APBA1: variants seen among roughly 807,000 people sequenced by gnomAD.
APBA1 encodes amyloid-beta A4 precursor protein-binding family A member 1.
A neutral mutation model predicts 86.6 loss-of-function variants in APBA1; 55 were observed. The ratio of observed to expected loss-of-function variants is 0.64; its 90% CI spans 0.51 to 0.80. The LOEUF (loss-of-function observed/expected upper bound fraction) is 0.80. Ranked by LOEUF, APBA1 falls within the 30% of genes least tolerant of loss-of-function variation. The probability of loss-of-function intolerance (pLI) is 0.00; values close to 1 mark genes in which losing one functional copy is unlikely to be tolerated. For missense variants in APBA1, 1,090 were observed against 1,183.0 expected (o/e 0.92, Z 1.15); for synonymous variants, 511 against 493.9 (o/e 1.03, Z -0.46).
chr9:69,431,025 C>T lies in APBA1; in HGVS notation c.*302G>A. 3.3e-6 allele frequency: 1 copy of T among 299,536 alleles called. No individual in the cohort carries two copies. Among genetic ancestry groups the T allele is most frequent in the Non-Finnish European group, 6.1e-6 (1 of 163,304 alleles). The allele number at this position is 299,536 out of a possible 1,614,324, so 18.6% of individuals were successfully genotyped here. A position where few individuals can be genotyped will look rare whatever the true frequency, so the allele number is the denominator to read the frequency against. On this transcript the variant is annotated 3_prime_UTR_variant, in exon 13 of 13. Coordinates refer to ENST00000265381, the MANE Select transcript of APBA1 (RefSeq NM_001163.4). Reference sequence around the variant, plus strand: ...GGGAGGATTCTCCCTCAAGCAGTGACAGCCCACCCCCTGGACACACCCAGA... The same window carrying T: ...GGGAGGATTCTCCCTCAAGCAGTGATAGCCCACCCCCTGGACACACCCAGA...
chr9:69,530,420 C>T (rs1028778953), intron 1 of APBA1, among the ~76,000 whole-genome samples: 1 of 151,358 alleles, frequency 6.6e-6, no homozygotes, highest in Admixed American at 6.6e-5. Context: ...TTTGTAGCAA[C>T]ATGGATAGAG....
chr9:69,458,930 C>G (rs913050363), intron 5 of APBA1, among the ~76,000 whole-genome samples: 17 of 152,066 alleles, frequency 1.1e-4, no homozygotes, highest in Admixed American at 9.2e-4. Flanking sequence ...CCTCAGCCTC[C>G]CGAGTAGCTG....
intron 1 of APBA1, among the ~76,000 whole-genome samples, chr9:69,539,756 C>T (rs1836573963): frequency 6.6e-6 from 1 of 152,184 alleles, no homozygotes; most frequent in African/African-American, 2.4e-5. Context: ...TTTCCCTCTG[C>T]CTCTACTGAT....
chr9:69,651,073 A>G (rs951463722), intron 1 of APBA1, among the ~76,000 whole-genome samples: 7 of 152,248 alleles, frequency 4.6e-5, no homozygotes, highest in African/African-American at 1.4e-4. Context: ...ACTGAATACC[A>G]TATAGCAATG....
At chr9:69,634,116 A>T (rs113841244) in intron 1 of APBA1, among the ~76,000 whole-genome samples, 7 of 152,234 alleles carry the variant, frequency 4.6e-5, no homozygotes, top group African/African-American at 1.7e-4. Flanking sequence ...ACTTCATATC[A>T]GTGAAAGAGG....
chr9:69,653,605 C>A (rs1233398772), intron 1 of APBA1, among the ~76,000 whole-genome samples: 1 of 152,188 alleles, frequency 6.6e-6, no homozygotes, highest in East Asian at 1.9e-4. Context: ...TATCAATAAT[C>A]TTTTCTGATC....
At chr9:69,543,511 G>C in intron 1 of APBA1, among the ~76,000 whole-genome samples, 1 of 152,194 alleles carries the variant, frequency 6.6e-6, no homozygotes, top group Non-Finnish European at 1.5e-5. Flanking sequence ...CCTCAGTTGT[G>C]CTGACATACC....
intron 2 of APBA1, among the ~76,000 whole-genome samples, chr9:69,512,072 A>G (rs189043201): frequency 1.5e-4 from 23 of 150,280 alleles, no homozygotes; most frequent in Non-Finnish European, 2.7e-4. Context: ...TTAAAGTATA[A>G]TAAATAAATA....
chr9:69,495,563 C>A (rs1052003487), intron 2 of APBA1, among the ~76,000 whole-genome samples: 2 of 152,084 alleles, frequency 1.3e-5, no homozygotes, highest in African/African-American at 4.8e-5. Flanking sequence ...CTCACATTAA[C>A]CCCTCGCTGC....
At chr9:69,646,023 A>G (rs1426159420) in intron 1 of APBA1, among the ~76,000 whole-genome samples, 2 of 152,248 alleles carry the variant, frequency 1.3e-5, no homozygotes, top group Non-Finnish European at 2.9e-5. Context: ...AGACATACTC[A>G]CCAATCTTAA....
chr9:69,463,305 A>G (rs1366623671), intron 5 of APBA1: 2 of 152,134 alleles, frequency 1.3e-5, no homozygotes, highest in Admixed American at 1.3e-4. Context: ...TAAAGGGCCT[A>G]TCACAGGAGT....
chr9:69,433,239 T>C (rs1834636223), intron 11 of APBA1, among the ~76,000 whole-genome samples: 2 of 152,208 alleles, frequency 1.3e-5, no homozygotes, highest in South Asian at 4.1e-4. Context: ...ACAGTGAGGC[T>C]GGATTTTGTG....
chr9:69,549,548 T>C (rs1588356626), intron 1 of APBA1, among the ~76,000 whole-genome samples: 1 of 152,266 alleles, frequency 6.6e-6, no homozygotes, highest in East Asian at 1.9e-4. Context: ...GCCCATGAAT[T>C]TTAACTCTCA....
At chr9:69,526,689 C>A (rs1836348187) in intron 1 of APBA1, among the ~76,000 whole-genome samples, 1 of 151,940 alleles carries the variant, frequency 6.6e-6, no homozygotes, top group African/African-American at 2.4e-5. Context: ...CAATTCGACC[C>A]AGCAATCCCA....
At chr9:69,634,454 G>T (rs1429308773) in intron 1 of APBA1, among the ~76,000 whole-genome samples, 1 of 152,116 alleles carries the variant, frequency 6.6e-6, no homozygotes, top group Non-Finnish European at 1.5e-5. Flanking sequence ...TTGAAGGAAT[G>T]AAACATGCCT....
At chr9:69,638,200 T>G (rs1228663321) in intron 1 of APBA1, among the ~76,000 whole-genome samples, 1 of 152,184 alleles carries the variant, frequency 6.6e-6, no homozygotes, top group Non-Finnish European at 1.5e-5. Flanking sequence ...GTGTCTAGCT[T>G]TATGAATGAA....
At chr9:69,441,957 A>T (rs1588285457) in intron 10 of APBA1, among the ~76,000 whole-genome samples, 1 of 152,272 alleles carries the variant, frequency 6.6e-6, no homozygotes, top group African/African-American at 2.4e-5. Context: ...CCCTGATCAG[A>T]CTCACAGCAG....
intron 2 of APBA1, among the ~76,000 whole-genome samples, chr9:69,501,329 G>GT (rs767905332): frequency 1.3e-5 from 2 of 152,082 alleles, no homozygotes; most frequent in Non-Finnish European, 2.9e-5. Context: ...TGTAATGGAA[G>GT]TATTTTTCAT....
At chr9:69,439,617 G>A (rs1834771708) in intron 11 of APBA1, among the ~76,000 whole-genome samples, 2 of 152,092 alleles carry the variant, frequency 1.3e-5, no homozygotes, top group Admixed American at 6.6e-5. Flanking sequence ...TTCTTGTAGT[G>A]TGGTTTTCAG....
Sources: allele counts gnomAD v4.1 joint callset (sites outside exome capture counted in the v4.1 genomes callset), GRCh38; gene constraint gnomAD v4.1.1; transcripts MANE v1.5; gene names NCBI Gene and HGNC (gene_info 2026-07-23, HGNC 2026-07-21).